Variants in RBFOX1 observed in about 807,000 individuals in gnomAD.
RBFOX1 encodes the protein RNA binding fox-1 homolog 1, also known as RNA binding protein fox-1 homolog 1.
Under a neutral mutation model 57.7 loss-of-function variants are expected in RBFOX1, and 8 were observed. The ratio of observed to expected loss-of-function variants is 0.14; its 90% CI spans 0.08 to 0.25. The LOEUF is 0.25. Ranked by LOEUF, RBFOX1 falls within the 10% of genes least tolerant of loss-of-function variation. RBFOX1 has a pLI of 1.00. For missense variants in RBFOX1, 611 were observed against 548.5 expected (o/e 1.11, Z -1.14); for synonymous variants, 326 against 222.4 (o/e 1.47, Z -4.15).
intron 3 of RBFOX1, among the ~76,000 whole-genome samples, chr16:6,747,061 C>T (rs17141214): frequency 0.25 from 37,422 of 152,006 alleles, 4,761 homozygotes; most frequent in East Asian, 0.36. Flanking sequence ...CTGCAGAACC[C>T]CTCACGGTAC....
chr16:7,079,370 C>T (rs1459185669), intron 4 of RBFOX1, among the ~76,000 whole-genome samples: 2 of 152,104 alleles, frequency 1.3e-5, no homozygotes, highest in Non-Finnish European at 2.9e-5. Flanking sequence ...GTATGCTGAG[C>T]AGGTACAACA....
At chr16:7,026,008 G>T (rs1407727467) in intron 3 of RBFOX1, among the ~76,000 whole-genome samples, 1 of 152,178 alleles carries the variant, frequency 6.6e-6, no homozygotes, top group African/African-American at 2.4e-5. Flanking sequence ...CTGGGTTTGG[G>T]ATCAGACCCC....
chr16:5,448,719 C>T (rs1456360979), intron 1 of RBFOX1, among the ~76,000 whole-genome samples: 1 of 152,204 alleles, frequency 6.6e-6, no homozygotes, highest in Admixed American at 6.5e-5. Context: ...AAATGACTAA[C>T]TTGCTGGTAA....
intron 4 of RBFOX1, among the ~76,000 whole-genome samples, chr16:7,312,965 C>T (rs1397408725): frequency 6.6e-6 from 1 of 151,964 alleles, no homozygotes; most frequent in African/African-American, 2.4e-5. Flanking sequence ...GGGAGGGTAC[C>T]CTAGTTTCAG....
chr16:7,379,002 T>C (rs534135630), intron 4 of RBFOX1, among the ~76,000 whole-genome samples: 1 of 152,218 alleles, frequency 6.6e-6, no homozygotes, highest in Non-Finnish European at 1.5e-5. Context: ...AGCTTAGATA[T>C]CTACTCTCTA....
chr16:5,574,988 T>C (rs1473266514), intron 2 of RBFOX1, among the ~76,000 whole-genome samples: 1 of 152,208 alleles, frequency 6.6e-6, no homozygotes, highest in Admixed American at 6.5e-5. Context: ...CTTCTGGCCT[T>C]GTCCCCTGGC....
At chr16:5,911,754 G>A (rs2058607267) in intron 4 of RBFOX1, among the ~76,000 whole-genome samples, 1 of 152,188 alleles carries the variant, frequency 6.6e-6, no homozygotes. Flanking sequence ...CTGGTTCACA[G>A]GTGGTGCCTT....
intron 3 of RBFOX1, among the ~76,000 whole-genome samples, chr16:6,923,588 C>T (rs1190706033): frequency 6.6e-6 from 1 of 151,992 alleles, no homozygotes; most frequent in Non-Finnish European, 1.5e-5. Flanking sequence ...GACCATTTTC[C>T]AGGGCAGAGA....
At chr16:5,775,418 C>G (rs1363231311) in intron 3 of RBFOX1, among the ~76,000 whole-genome samples, 1 of 152,226 alleles carries the variant, frequency 6.6e-6, no homozygotes, top group Non-Finnish European at 1.5e-5. Flanking sequence ...GGGACTGATG[C>G]AAGCCAGGCT....
At chr16:6,842,124 C>G (rs957999617) in intron 3 of RBFOX1, among the ~76,000 whole-genome samples, 2 of 149,986 alleles carry the variant, frequency 1.3e-5, no homozygotes, top group Non-Finnish European at 3.0e-5. Context: ...GCCTGGGTGA[C>G]AGAGCAAGAC....
rs561821073 is a variant in RBFOX1, at chr16:6,024,492, C to T, written c.-127+4500C>T. The stretch of plus-strand genomic sequence containing the variant: ...ATCCAATGAGTATTCTACTCATCTC[C>T]GCTTTCTTTTTTTTGAAACAGAGCC... On this transcript the variant is annotated intron_variant, in intron 1 of 15. Transcript: ENST00000550418. 3.3e-5 allele frequency among the ~76,000 whole-genome samples: 5 copies of T among 151,498 alleles called. No individual in the cohort carries two copies. The South Asian group carries it at 6.2e-4, about 19-fold the overall frequency.
chr16:7,669,725 A>AAACTCAGGAATGAGATGTGTCAGTAGC, intron 13 of RBFOX1, among the ~76,000 whole-genome samples: 1 of 152,238 alleles, frequency 6.6e-6, no homozygotes, highest in Non-Finnish European at 1.5e-5. Context: ...ACTGATGTTT[A>AAACTCAGGAATGAGATGTGTCAGTAGC]AACTCAGGAA....
At chr16:5,542,611 A>G (rs2045007457) in intron 2 of RBFOX1, among the ~76,000 whole-genome samples, 1 of 152,112 alleles carries the variant, frequency 6.6e-6, no homozygotes. Flanking sequence ...TAGTACAACA[A>G]TGAAAGGATG....
chr16:5,276,977 A>G (rs35542278), intron 1 of RBFOX1, among the ~76,000 whole-genome samples: 209 of 152,342 alleles, frequency 1.4e-3, no homozygotes, highest in African/African-American at 4.8e-3. Flanking sequence ...ATCGTATGAA[A>G]AAGACACTTT....
rs149439156 is a variant in RBFOX1, at chr16:6,098,516, A to T, written c.-127+78524A>T. 7.7e-4 allele frequency among the ~76,000 whole-genome samples: 117 copies of T among 152,330 alleles called. 1 individual carries two copies. In the East Asian group the frequency reaches 0.022, roughly 29 times the overall value. On this transcript the variant is annotated intron_variant, in intron 1 of 15. Transcript: ENST00000550418. ...ACCTTTTGAGTTCCTTGTAAGTTGGACGCTGGAATAATTCTAAGTCAAGAG... is the reference window on the plus strand; with the variant it reads ...ACCTTTTGAGTTCCTTGTAAGTTGGTCGCTGGAATAATTCTAAGTCAAGAG...
At chr16:6,653,692 AG>A (rs2154087054) in intron 2 of RBFOX1, among the ~76,000 whole-genome samples, 1 of 150,092 alleles carries the variant, frequency 6.7e-6, no homozygotes, top group South Asian at 2.1e-4. Flanking sequence ...GGGTAGATGA[AG>A]GAAGGAAAGA....
intron 5 of RBFOX1, among the ~76,000 whole-genome samples, chr16:7,569,704 C>T (rs2092571691): frequency 1.3e-5 from 2 of 152,130 alleles, no homozygotes; most frequent in African/African-American, 4.8e-5. Context: ...TGTTGAGCAC[C>T]TGAAATACAG....
rs371373197 is a variant in RBFOX1, at chr16:7,274,936, G to A, written c.27+222838G>A. ...TGGCCTGAAGTGACCTGCCTGCCTC[G>A]GCCTCCCAAAGTGCTGGAATTAGAG... On this transcript the variant is annotated intron_variant, in intron 4 of 15. Transcript: ENST00000550418. 3.3e-5 allele frequency among the ~76,000 whole-genome samples: 5 copies of A among 152,038 alleles called. No individual in the cohort carries two copies. The East Asian group carries it at 5.8e-4, about 18-fold the overall frequency.
intron 1 of RBFOX1, among the ~76,000 whole-genome samples, chr16:6,095,418 A>G (rs998805851): frequency 2.0e-5 from 3 of 152,162 alleles, no homozygotes; most frequent in African/African-American, 7.2e-5. Context: ...CTTTCTGTGG[A>G]GCTGATTGGA....
Sources: gnomAD v4.1 joint callset for allele counts (sites outside exome capture counted in the v4.1 genomes callset) on GRCh38, gnomAD v4.1.1 for gene constraint, MANE v1.5 for transcripts, NCBI Gene and HGNC (gene_info 2026-07-23, HGNC 2026-07-21) for gene names.